The following CBFA2T2 variants were observed in gnomAD, a reference collection of about 807,000 sequenced individuals.
CBFA2T2 encodes the protein CBFA2/RUNX1 partner transcriptional co-repressor 2, also known as protein CBFA2T2.
Under a neutral mutation model 62.2 loss-of-function variants are expected in CBFA2T2, and 11 were observed. The observed-to-expected ratio is 0.18, with a 90% CI of 0.11 to 0.29. The LOEUF is 0.29. Among genes scored for constraint, CBFA2T2 ranks in the 10% least tolerant of loss-of-function variants. CBFA2T2 has a pLI of 1.00. For missense variants in CBFA2T2, 592 were observed against 774.1 expected (o/e 0.76, Z 2.79); for synonymous variants, 295 against 287.5 (o/e 1.03, Z -0.27).
At chr20:33,636,559 G>A in intron 8 of CBFA2T2, 81 bp from the exon 9 acceptor site, 1 of 1,025,030 alleles carries the variant, frequency 9.8e-7, no homozygotes, top group Non-Finnish European at 1.5e-6. Flanking sequence ...AGTCTAAGTG[G>A]TGAATGAGAA....
At chr20:33,625,695 C>T (rs1364087485) in intron 6 of CBFA2T2, among the ~76,000 whole-genome samples, 1 of 152,182 alleles carries the variant, frequency 6.6e-6, no homozygotes, top group Non-Finnish European at 1.5e-5. Context: ...TGCCTATAAT[C>T]CCAGCACTTT....
rs2016983528 is a variant in CBFA2T2 at position 33,644,558 on chromosome 20, C to T, written c.1700C>T (p.Pro567Leu). The T allele has an allele frequency of 6.2e-6, 10 of 1,613,730 alleles. No homozygotes were observed. Among genetic ancestry groups the T allele is most frequent in the African/African-American group, 1.3e-5 (1 of 74,950 alleles). Residue 567 changes from proline (P) to leucine (L), a missense_variant, in exon 11 of 11, where the codon CCC becomes CTC. Coordinates refer to ENST00000342704, the MANE Select transcript of CBFA2T2 (RefSeq NM_001032999.3). ...SSARSADCSVPSPALDKTSAT... is the reference protein window; with the variant it reads ...SSARSADCSVLSPALDKTSAT... The stretch of plus-strand genomic sequence containing the variant: ...GCCAGGTCCGCCGACTGCAGCGTGC[C>T]CAGCCCAGCCCTCGACAAGACCTCG...
chr20:33,558,925 G>A (rs1051512586), intron 1 of CBFA2T2, among the ~76,000 whole-genome samples: 2 of 151,910 alleles, frequency 1.3e-5, no homozygotes, highest in African/African-American at 2.4e-5. Flanking sequence ...CTCCTAGTTA[G>A]CCTATCATCG....
chr20:33,530,260 A>C (rs1249547452), intron 1 of CBFA2T2, among the ~76,000 whole-genome samples: 1 of 151,994 alleles, frequency 6.6e-6, no homozygotes, highest in East Asian at 1.9e-4. Context: ...TCAATCTCTG[A>C]ATCTCCTTAA....
Position 33,606,980 on chromosome 20 carries a change from C to A in CBFA2T2, c.59C>A (p.Ala20Glu), listed in dbSNP as rs527719357. The A allele has an allele frequency of 1.9e-5, 30 of 1,613,636 alleles. No homozygotes were observed. The highest frequency in any genetic ancestry group is 2.5e-5 in the Non-Finnish European group (30 of 1,179,762). Residue 20 changes from alanine (A) to glutamate (E), a missense_variant, in exon 2 of 11, where the codon GCG (alanine) becomes GAG (glutamate). By Grantham distance (107) the Ala-to-Glu change is moderately radical. This residue lies in a region of CBFA2T2 where 449 missense variants were observed against 551.2 expected (regional missense o/e 0.81). Coordinates refer to ENST00000342704, the MANE Select transcript of CBFA2T2 (RefSeq NM_001032999.3). ...FQLGPEKRVP[A>E]MPGSPVEVKI... ...GTTGGTCCTGAGAAAAGGGTGCCAG[C>A]GATGCCTGGATCGCCTGTGGAAGTG...
intron 1 of CBFA2T2, among the ~76,000 whole-genome samples, chr20:33,519,981 C>T (rs1371117397): frequency 6.6e-6 from 1 of 151,976 alleles, no homozygotes; most frequent in African/African-American, 2.4e-5. Flanking sequence ...AACCTCATCT[C>T]TACTAAAAAT....
At chr20:33,522,551 G>C (rs1407669949) in intron 1 of CBFA2T2, among the ~76,000 whole-genome samples, 1 of 151,618 alleles carries the variant, frequency 6.6e-6, no homozygotes, top group Non-Finnish European at 1.5e-5. Flanking sequence ...AACATAGCAA[G>C]ACCCTGTTTG....
rs140995377 is a variant in CBFA2T2, at chr20:33,543,571, G to A, written c.34+53270G>A. Among the ~76,000 whole-genome samples the A allele has an allele frequency of 4.9e-3, 740 of 152,276 alleles. 9 individuals carry two copies. The highest frequency in any genetic ancestry group is 0.016 in the African/African-American group (682 of 41,560). Reference sequence around the variant, plus strand: ...AAAGCCTCCATGGAGAAGGCAACAGGAGCTGAACTTGAAGGTGTTTTAGAT... The same window carrying A: ...AAAGCCTCCATGGAGAAGGCAACAGAAGCTGAACTTGAAGGTGTTTTAGAT... On this transcript the variant is annotated intron_variant, in intron 1 of 10. Coordinates refer to ENST00000342704, the MANE Select transcript of CBFA2T2 (RefSeq NM_001032999.3).
chr20:33,550,477 C>G (rs1366731325), intron 1 of CBFA2T2, among the ~76,000 whole-genome samples: 1 of 152,100 alleles, frequency 6.6e-6, no homozygotes, highest in Non-Finnish European at 1.5e-5. Context: ...TTTAAACAAA[C>G]AGCATATTTT....
intron 1 of CBFA2T2, among the ~76,000 whole-genome samples, chr20:33,593,539 C>T (rs1390220327): frequency 2.0e-5 from 3 of 151,288 alleles, no homozygotes; most frequent in Admixed American, 6.6e-5. Flanking sequence ...ATTACAGGCA[C>T]CTGCCACCAC....
intron 1 of CBFA2T2, among the ~76,000 whole-genome samples, chr20:33,514,679 T>TTTTA (rs749151980): frequency 5.1e-4 from 78 of 152,058 alleles, no homozygotes; most frequent in African/African-American, 1.3e-3. Flanking sequence ...AAGAGATTGC[T>TTTTA]TTTATTTATT....
chr20:33,632,537 C>T (rs1156452258), intron 8 of CBFA2T2, among the ~76,000 whole-genome samples: 2 of 146,560 alleles, frequency 1.4e-5, no homozygotes, highest in African/African-American at 2.5e-5. Flanking sequence ...GGCATGATCT[C>T]GGCTCACTGC....
chr20:33,503,510 C>T (rs968336019), intron 1 of CBFA2T2, among the ~76,000 whole-genome samples: 1 of 152,106 alleles, frequency 6.6e-6, no homozygotes, highest in Non-Finnish European at 1.5e-5. Context: ...GCCTCGGCCT[C>T]CCAAAGTGCT....
chr20:33,503,254 CTTTTT>C (rs557746879), intron 1 of CBFA2T2, among the ~76,000 whole-genome samples: 1 of 108,644 alleles, frequency 9.2e-6, no homozygotes, highest in African/African-American at 3.7e-5. Flanking sequence ...TTCTTTCTTT[CTTTTT>C]TTTTTTTTTT....
intron 9 of CBFA2T2, among the ~76,000 whole-genome samples, chr20:33,637,887 G>A (rs1165058142): frequency 2.7e-5 from 4 of 149,980 alleles, no homozygotes; most frequent in Admixed American, 6.7e-5. Context: ...GGCTGGTCTC[G>A]AACTCCTGAT....
At chr20:33,504,010 C>A (rs1031287276) in intron 1 of CBFA2T2, among the ~76,000 whole-genome samples, 2 of 152,132 alleles carry the variant, frequency 1.3e-5, no homozygotes, top group African/African-American at 4.8e-5. Flanking sequence ...CTTTTCACCT[C>A]GCTCTTGGAA....
chr20:33,536,298 G>C (rs1205710436), intron 1 of CBFA2T2, among the ~76,000 whole-genome samples: 1 of 144,616 alleles, frequency 6.9e-6, no homozygotes, highest in Admixed American at 6.9e-5. Flanking sequence ...CGGGCGGGGG[G>C]CTGACCCCCC....
intron 3 of CBFA2T2, among the ~76,000 whole-genome samples, chr20:33,614,679 C>T (rs1306589956): frequency 2.6e-5 from 4 of 152,144 alleles, no homozygotes; most frequent in Admixed American, 6.6e-5. Flanking sequence ...TTGTGACTAG[C>T]CTATTTCACT....
At chr20:33,616,151 GTAGA>G (rs1278259292) in intron 3 of CBFA2T2, among the ~76,000 whole-genome samples, 12 of 151,844 alleles carry the variant, frequency 7.9e-5, no homozygotes, top group Admixed American at 6.6e-5. Context: ...GCAATACTCT[GTAGA>G]TAGATATAGA....
Sources: allele counts gnomAD v4.1 joint callset (sites outside exome capture counted in the v4.1 genomes callset), GRCh38; gene constraint gnomAD v4.1.1; regional missense constraint gnomAD v4.1.1; transcripts MANE v1.5; gene names NCBI Gene and HGNC (gene_info 2026-07-23, HGNC 2026-07-21).